APP: variants seen among roughly 807,000 people sequenced by gnomAD.
APP encodes amyloid beta precursor protein.
In APP, 31 loss-of-function variants were observed where a neutral mutation model predicts 101.4. The observed-to-expected ratio is 0.31, with a 90% CI of 0.23 to 0.41. The LOEUF (loss-of-function observed/expected upper bound fraction) is 0.41. Among genes scored for constraint, APP ranks in the 10% least tolerant of loss-of-function variants. The pLI is 1.00. For synonymous variants in APP, 366 were observed against 364.4 expected, an observed-to-expected ratio of 1.00 and a Z score of -0.05; for missense variants, 839 against 1,003.7, an observed-to-expected ratio of 0.84 and a Z score of 2.22.
intron 11 of APP, among the ~76,000 whole-genome samples, chr21:25,959,976 G>A (rs925696281): frequency 2.0e-5 from 3 of 152,020 alleles, no homozygotes; most frequent in East Asian, 1.9e-4. Context: ...TAATGTTCCC[G>A]GACTGAACTG....
At chr21:25,912,107 T>G in intron 13 of APP, 145 bp from the exon 14 acceptor site, 1 of 715,940 alleles carries the variant, frequency 1.4e-6, no homozygotes, top group Non-Finnish European at 2.5e-6. Context: ...TAGGTACCAT[T>G]ATCATCTCCC....
intron 6 of APP, among the ~76,000 whole-genome samples, chr21:26,003,747 G>C (rs2043393081): frequency 6.6e-6 from 1 of 152,094 alleles, no homozygotes; most frequent in African/African-American, 2.4e-5. Context: ...TGGTGAAAAA[G>C]AGCTTCTCGT....
chr21:25,904,509 G>A (rs754628296), intron 15 of APP, among the ~76,000 whole-genome samples: 2 of 152,132 alleles, frequency 1.3e-5, no homozygotes, highest in African/African-American at 4.8e-5. Context: ...TGTATTTTGG[G>A]CTCTGGAAAG....
intron 2 of APP, among the ~76,000 whole-genome samples, chr21:26,097,323 T>C (rs958509129): frequency 2.0e-5 from 3 of 152,188 alleles, no homozygotes; most frequent in African/African-American, 7.2e-5. Context: ...ATGATTCATC[T>C]GGTGTTCCCT....
At chr21:25,952,876 G>A (rs1173317612) in intron 13 of APP, among the ~76,000 whole-genome samples, 1 of 152,094 alleles carries the variant, frequency 6.6e-6, no homozygotes, top group African/African-American at 2.4e-5. Context: ...TTAATACATA[G>A]TATTTTAAAG....
At chr21:26,098,785 G>T (rs185373937) in intron 2 of APP, among the ~76,000 whole-genome samples, 1 of 152,140 alleles carries the variant, frequency 6.6e-6, no homozygotes, top group East Asian at 1.9e-4. Flanking sequence ...TTTTGAAAAC[G>T]CTAAAAATTA....
intron 1 of APP, among the ~76,000 whole-genome samples, chr21:26,145,625 G>C (rs2063139040): frequency 1.3e-5 from 2 of 152,098 alleles, no homozygotes; most frequent in South Asian, 4.2e-4. Flanking sequence ...CAGTTAAAAA[G>C]ACTCAAATAG....
intron 5 of APP, among the ~76,000 whole-genome samples, chr21:26,031,835 A>G (rs2044841548): frequency 6.6e-6 from 1 of 152,186 alleles, no homozygotes; most frequent in Admixed American, 6.5e-5. Context: ...ACGCTCCCCA[A>G]AATGCAGCAA....
intron 3 of APP, among the ~76,000 whole-genome samples, chr21:26,063,725 C>T (rs9983517): frequency 0.079 from 12,099 of 152,224 alleles, 601 homozygotes; most frequent in African/African-American, 0.14. Flanking sequence ...AAATCTCCTG[C>T]GCAGAAGAAT....
chr21:25,994,484 A>G (rs1223097375), intron 8 of APP, among the ~76,000 whole-genome samples: 1 of 152,240 alleles, frequency 6.6e-6, no homozygotes, highest in Non-Finnish European at 1.5e-5. Context: ...CAAAAGTTTG[A>G]AACCTAGAAA....
At chr21:26,022,586 G>A (rs1302914962) in intron 5 of APP, among the ~76,000 whole-genome samples, 2 of 152,176 alleles carry the variant, frequency 1.3e-5, no homozygotes, top group African/African-American at 4.8e-5. Context: ...GGGGAGTGGG[G>A]AAGTGAGAGG....
At chr21:26,023,759 C>T (rs1291368008) in intron 5 of APP, among the ~76,000 whole-genome samples, 2 of 152,242 alleles carry the variant, frequency 1.3e-5, no homozygotes. Flanking sequence ...TCTAATGCAG[C>T]TCCAGAGTTT....
intron 17 of APP, among the ~76,000 whole-genome samples, chr21:25,888,578 C>T (rs574675925): frequency 6.6e-6 from 1 of 152,102 alleles, no homozygotes; most frequent in Non-Finnish European, 1.5e-5. Context: ...GGTGGAGCCC[C>T]TCATCTAGAA....
chr21:26,088,747 A>C (rs2146106992), intron 3 of APP, among the ~76,000 whole-genome samples: 1 of 152,310 alleles, frequency 6.6e-6, no homozygotes, highest in South Asian at 2.1e-4. Flanking sequence ...ACCAGAAAAG[A>C]GTTGAGGCCT....
intron 3 of APP, among the ~76,000 whole-genome samples, chr21:26,082,230 AAAAT>A (rs138265791): frequency 4.6e-5 from 7 of 151,398 alleles, no homozygotes; most frequent in Non-Finnish European, 7.4e-5. Context: ...AAAAATGAAT[AAAAT>A]AAATAAATAA....
chr21:26,118,657 A>C (rs1282294119), intron 1 of APP, among the ~76,000 whole-genome samples: 1 of 152,094 alleles, frequency 6.6e-6, no homozygotes, highest in Non-Finnish European at 1.5e-5. Flanking sequence ...GGTTCAAGCG[A>C]TTCTTGTGCT....
intron 5 of APP, among the ~76,000 whole-genome samples, chr21:26,033,435 CT>C (rs986672963): frequency 6.6e-6 from 1 of 152,194 alleles, no homozygotes; most frequent in African/African-American, 2.4e-5. Flanking sequence ...AATTAAACCT[CT>C]TTCCTTTATA....
intron 1 of APP, among the ~76,000 whole-genome samples, chr21:26,170,044 G>A (rs1170820084): frequency 6.6e-6 from 1 of 152,160 alleles, no homozygotes; most frequent in Non-Finnish European, 1.5e-5. Context: ...AAGGTGAAAC[G>A]AGGCGGAGAA....
chr21:26,140,435 T>A, intron 1 of APP: 1 of 1,241,560 alleles, frequency 8.1e-7, no homozygotes, highest in Non-Finnish European at 1.1e-6. Flanking sequence ...AAGCTAACAA[T>A]GGACAACCAA....
Sources: gnomAD v4.1 joint callset for allele counts (sites outside exome capture counted in the v4.1 genomes callset) on GRCh38, gnomAD v4.1.1 for gene constraint, MANE v1.5 for transcripts, NCBI Gene and HGNC (gene_info 2026-07-23, HGNC 2026-07-21) for gene names.